The following FKTN variants were observed in gnomAD, a reference collection of about 807,000 sequenced individuals.
FKTN encodes the protein fukutin, also known as ribitol-5-phosphate transferase FKTN.
Under a neutral mutation model 58.6 loss-of-function variants are expected in FKTN, and 47 were observed. That is an observed-to-expected ratio of 0.80 (90% CI 0.63 to 1.02). The LOEUF (loss-of-function observed/expected upper bound fraction) is 1.02, where lower values mean the gene tolerates loss of function less well. FKTN is among the 50% of genes least tolerant of loss of function. The pLI is 0.00. For synonymous variants in FKTN, 178 were observed against 191.9 expected (o/e 0.93, Z 0.60); for missense variants, 516 against 537.3 (o/e 0.96, Z 0.39).
intron 1 of FKTN, among the ~76,000 whole-genome samples, chr9:105,571,098 G>T (rs966155509): frequency 6.6e-6 from 1 of 152,124 alleles, no homozygotes; most frequent in Admixed American, 6.6e-5. Context: ...AGTTTTGATT[G>T]TGGTGTAACT....
At chr9:105,559,660 G>A (rs1837903720) in intron 1 of FKTN, among the ~76,000 whole-genome samples, 1 of 151,838 alleles carries the variant, frequency 6.6e-6, no homozygotes, top group Admixed American at 6.6e-5. Flanking sequence ...CTCCGGCCTG[G>A]GCAACAAGAG....
At chr9:105,573,141 A>T (rs1198503488) in intron 1 of FKTN, among the ~76,000 whole-genome samples, 1 of 152,074 alleles carries the variant, frequency 6.6e-6, no homozygotes, top group Non-Finnish European at 1.5e-5. Flanking sequence ...AGGCTGAGAT[A>T]GGAGAATTGC....
intron 9 of FKTN, among the ~76,000 whole-genome samples, chr9:105,619,058 TAA>T (rs80255150): frequency 3.5e-4 from 48 of 136,668 alleles, no homozygotes; most frequent in Admixed American, 3.7e-4. Flanking sequence ...GACTCCGTCT[TAA>T]AAAAAAAAAA....
chr9:105,621,793 A>G (rs7033165), intron 10 of FKTN, among the ~76,000 whole-genome samples: 20,885 of 152,008 alleles, frequency 0.14, 1,814 homozygotes, highest in East Asian at 0.46. Context: ...GTATGGCAAT[A>G]CCATAATTTA....
At chr9:105,623,245 T>C (rs1832258318) in intron 10 of FKTN, 1 of 152,114 alleles carries the variant, frequency 6.6e-6, no homozygotes, top group Non-Finnish European at 1.5e-5. Flanking sequence ...TTAACTTTAT[T>C]GAATACTTAC....
At chr9:105,568,269 A>T (rs1383246092) in intron 1 of FKTN, among the ~76,000 whole-genome samples, 1 of 152,262 alleles carries the variant, frequency 6.6e-6, no homozygotes, top group East Asian at 1.9e-4. Flanking sequence ...AAGCAATGGC[A>T]ACAAAAGACA....
intron 10 of FKTN, among the ~76,000 whole-genome samples, chr9:105,620,586 A>G (rs1408848407): frequency 1.3e-5 from 2 of 152,140 alleles, no homozygotes; most frequent in African/African-American, 2.4e-5. Context: ...TTTACCAGCT[A>G]TATTACCTTG....
intron 3 of FKTN, among the ~76,000 whole-genome samples, chr9:105,580,039 T>C (rs1227871006): frequency 4.6e-5 from 7 of 151,882 alleles, no homozygotes; most frequent in Non-Finnish European, 1.0e-4. Context: ...CTCCATCCTT[T>C]TATTTTGAGC....
chr9:105,559,540 C>T (rs944929664), intron 1 of FKTN, among the ~76,000 whole-genome samples: 5 of 151,858 alleles, frequency 3.3e-5, no homozygotes, highest in Admixed American at 2.6e-4. Context: ...ACAAATTAGC[C>T]GGGTGTGGTG....
chr9:105,589,435 G>A (rs1027959748), intron 3 of FKTN, among the ~76,000 whole-genome samples: 3 of 151,582 alleles, frequency 2.0e-5, no homozygotes, highest in Non-Finnish European at 4.4e-5. Flanking sequence ...CCAGGAGGCG[G>A]AGGTTGCAGT....
Position 105,574,996 on chromosome 9 carries a change from T to A in FKTN, c.-37T>A. 1 of 1,078,684 alleles carries A rather than the reference T, an allele frequency of 9.3e-7. No individual in the cohort carries two copies. The highest frequency in any genetic ancestry group is 2.4e-5 in the East Asian group (1 of 42,388). 66.8% of individuals were successfully genotyped at this position (1,078,684 alleles called of 1,614,324 possible). ...TCCAAAAAGATGAAAACGACTGAGATACTTTCAAAAGACAACCAAGTGAGC... is the reference window on the plus strand; with the variant it reads ...TCCAAAAAGATGAAAACGACTGAGAAACTTTCAAAAGACAACCAAGTGAGC... On this transcript the variant is annotated 5_prime_UTR_variant, in exon 3 of 11. Coordinates refer to ENST00000357998, the MANE Select transcript of FKTN (RefSeq NM_001079802.2).
chr9:105,579,970 C>G (rs999598753), intron 3 of FKTN, among the ~76,000 whole-genome samples: 4 of 151,624 alleles, frequency 2.6e-5, no homozygotes, highest in Admixed American at 2.0e-4. Flanking sequence ...TCTGTTTTAT[C>G]AGAAACTAGG....
Position 105,601,170 on chromosome 9 carries a change from T to C in FKTN, c.191T>C (p.Leu64Ser). ...CGTGCAGTTAAAAAATTTATTATGT[T>C]AACATCCAACCAAAATGTACCAGTG... is the stretch of plus-strand genomic sequence containing the variant. ...QWRAVKKFIM[L>S]TSNQNVPVFL... Residue 64 changes from leucine (L) to serine (S), a missense_variant, in exon 5 of 11, where the codon TTA (leucine) becomes TCA (serine). By Grantham distance (145) the Leu-to-Ser change is moderately radical. Transcript: ENST00000357998. The C allele has an allele frequency of 6.2e-7, 1 of 1,608,930 alleles. No homozygotes were observed. The highest frequency in any genetic ancestry group is 8.5e-7 in the Non-Finnish European group (1 of 1,175,844).
At chr9:105,576,580 G>C (rs1444296037) in intron 3 of FKTN, among the ~76,000 whole-genome samples, 1 of 135,082 alleles carries the variant, frequency 7.4e-6, no homozygotes, top group Non-Finnish European at 1.6e-5. Context: ...TTGGACATTT[G>C]GGTTGGTTCC....
intron 3 of FKTN, among the ~76,000 whole-genome samples, chr9:105,583,242 T>C (rs1409867204): frequency 6.6e-6 from 1 of 152,214 alleles, no homozygotes; most frequent in Non-Finnish European, 1.5e-5. Flanking sequence ...TTTACCAACA[T>C]TTAATTCTTA....
chr9:105,614,179 A>T (rs1239347920), intron 7 of FKTN, among the ~76,000 whole-genome samples: 1 of 152,216 alleles, frequency 6.6e-6, no homozygotes, highest in Non-Finnish European at 1.5e-5. Flanking sequence ...AACACTATAG[A>T]ATTTATAGTG....
intron 1 of FKTN, among the ~76,000 whole-genome samples, chr9:105,565,146 G>A (rs75353200): frequency 1.4e-4 from 21 of 151,866 alleles, no homozygotes; most frequent in African/African-American, 3.2e-4. Context: ...CTCCTGAAGG[G>A]AGCACTAAAC....
intron 3 of FKTN, among the ~76,000 whole-genome samples, chr9:105,589,594 TC>T (rs1296064411): frequency 6.6e-6 from 1 of 152,106 alleles, no homozygotes; most frequent in Non-Finnish European, 1.5e-5. Context: ...CCTTGACCCT[TC>T]AAGCTTAGGT....
chr9:105,578,363 A>T (rs1842163880), intron 3 of FKTN, among the ~76,000 whole-genome samples: 1 of 143,260 alleles, frequency 7.0e-6, no homozygotes, highest in South Asian at 2.4e-4. Context: ...TAATTTATTG[A>T]GAGTTTTTAG....
Sources: gnomAD v4.1 joint callset for allele counts (sites outside exome capture counted in the v4.1 genomes callset) on GRCh38, gnomAD v4.1.1 for gene constraint, MANE v1.5 for transcripts, NCBI Gene and HGNC (gene_info 2026-07-23, HGNC 2026-07-21) for gene names.